Variants in HEPH observed in about 807,000 individuals in gnomAD.
The protein encoded by HEPH is hephaestin.
HEPH carries 69 observed loss-of-function variants against 80.8 expected under a neutral mutation model. The observed-to-expected ratio is 0.85, with a 90% CI of 0.70 to 1.04. The LOEUF (loss-of-function observed/expected upper bound fraction) is 1.04. Among genes scored for constraint, HEPH ranks in the 50% least tolerant of loss-of-function variants. The pLI is 0.00. For missense variants in HEPH, 1,115 were observed against 891.3 expected (o/e 1.25, Z -3.20); for synonymous variants, 431 against 322.8 (o/e 1.34, Z -3.60).
intron 4 of HEPH, among the ~76,000 whole-genome samples, chrX:66,176,493 T>A (rs2086807690): frequency 1.8e-5 from 2 of 111,926 alleles, no homozygotes; most frequent in Non-Finnish European, 3.8e-5. Context: ...GTAGTTTTCC[T>A]TTTTTTCTTT....
chrX:66,207,603 G>A (rs755649911), intron 14 of HEPH, among the ~76,000 whole-genome samples: 5 of 111,452 alleles, frequency 4.5e-5, no homozygotes, highest in African/African-American at 1.3e-4. Flanking sequence ...AATGCTAGGG[G>A]CAGAATAACT....
intron 13 of HEPH, among the ~76,000 whole-genome samples, chrX:66,204,605 C>T (rs773870134): frequency 9.0e-6 from 1 of 111,448 alleles, no homozygotes; most frequent in Non-Finnish European, 1.9e-5. Context: ...TTGAAGATTC[C>T]ATCTATCACC....
intron 15 of HEPH, among the ~76,000 whole-genome samples, chrX:66,224,944 T>C (rs1023820211): frequency 9.1e-6 from 1 of 109,824 alleles, no homozygotes; most frequent in Non-Finnish European, 1.9e-5. Context: ...TCTCTCTCTC[T>C]GCTGATCTTT....
intron 15 of HEPH, among the ~76,000 whole-genome samples, chrX:66,219,461 G>A (rs1248128083): frequency 8.9e-6 from 1 of 112,019 alleles, no homozygotes; most frequent in African/African-American, 3.2e-5. Flanking sequence ...AATCTATTTT[G>A]ATAGATAGCA....
At chrX:66,194,221 A>C (rs761618092) in intron 8 of HEPH, among the ~76,000 whole-genome samples, 2 of 111,717 alleles carry the variant, frequency 1.8e-5, no homozygotes, top group South Asian at 7.6e-4. Flanking sequence ...AATGGACCAT[A>C]CTCGGGATAG....
chrX:66,218,443 T>C (rs752244380), intron 15 of HEPH, among the ~76,000 whole-genome samples: 2 of 112,141 alleles, frequency 1.8e-5, no homozygotes, highest in Admixed American at 1.9e-4. Flanking sequence ...TCTTGAATGA[T>C]CATTGGATCA....
At chrX:66,250,800 T>C (rs1490832686) in intron 15 of HEPH, among the ~76,000 whole-genome samples, 1 of 111,964 alleles carries the variant, frequency 8.9e-6, no homozygotes, top group East Asian at 2.8e-4. Context: ...GTACCACATT[T>C]TGTACAACTT....
chrX:66,197,976 T>C (rs1239196816), intron 10 of HEPH, 82 bp downstream of exon 10: 19 of 850,950 alleles, frequency 2.2e-5, no homozygotes, highest in Non-Finnish European at 2.8e-5. Flanking sequence ...AGCATGGAAC[T>C]GGGTTCTAAA....
intron 4 of HEPH, among the ~76,000 whole-genome samples, chrX:66,186,522 G>T (rs923892197): frequency 3.5e-5 from 4 of 112,925 alleles, no homozygotes; most frequent in African/African-American, 1.3e-4. Context: ...CTGACCCCTT[G>T]TGCTTCCCGG....
At chrX:66,162,790 C>T, upstream of HEPH, 7 of 1,155,272 alleles carry the variant, frequency 6.1e-6, no homozygotes, top group Non-Finnish European at 8.0e-6. Flanking sequence ...GACCCTGCTC[C>T]AGACACTTTA....
At chrX:66,192,600 C>A (rs768181080) in intron 7 of HEPH, among the ~76,000 whole-genome samples, 2 of 111,831 alleles carry the variant, frequency 1.8e-5, no homozygotes, top group African/African-American at 3.3e-5. Context: ...CCAGGTGGGA[C>A]CAGTTCTTGT....
At chrX:66,233,090 T>C (rs931725903) in intron 15 of HEPH, among the ~76,000 whole-genome samples, 1 of 111,912 alleles carries the variant, frequency 8.9e-6, no homozygotes, top group Non-Finnish European at 1.9e-5. Context: ...TGCAGCATAT[T>C]ATAAACAACT....
rs369360500 is a variant in HEPH, at chrX:66,172,780, C to T, written c.412+181C>T. Reference sequence around the variant, plus strand: ...TGGTATCAGTTCTGCCATTCATATACTGTGTGACTTGGACGAGTCATTGTC... The same window carrying T: ...TGGTATCAGTTCTGCCATTCATATATTGTGTGACTTGGACGAGTCATTGTC... On this transcript the variant is annotated intron_variant, in intron 3 of 20. Coordinates refer to ENST00000343002, the MANE Select transcript of HEPH (RefSeq NM_001367233.3). Among the ~76,000 whole-genome samples, 23 of 112,198 alleles carry T rather than the reference C, an allele frequency of 2.0e-4. No individual in the cohort carries two copies. The South Asian group carries it at 8.1e-3, about 40-fold the overall frequency.
chrX:66,199,171 G>T, intron 11 of HEPH, 143 bp downstream of exon 11: 1 of 538,980 alleles, frequency 1.9e-6, no homozygotes, highest in Non-Finnish European at 3.0e-6. Context: ...AGGCTCAACC[G>T]AACACAACAG....
chrX:66,173,547 C>T (rs773906671), intron 3 of HEPH, 42 bp from the exon 4 acceptor site: 22 of 1,016,540 alleles, frequency 2.2e-5, no homozygotes, highest in Non-Finnish European at 2.9e-5. Flanking sequence ...GCCACGGTCC[C>T]TCACTTATTC....
chrX:66,187,422 C>G (rs991461522), intron 4 of HEPH, among the ~76,000 whole-genome samples: 4 of 111,335 alleles, frequency 3.6e-5, no homozygotes, highest in African/African-American at 1.3e-4. Context: ...GGCTGTTCTT[C>G]AGATTCTTTT....
At chrX:66,172,848 A>G (rs993764258) in intron 3 of HEPH, among the ~76,000 whole-genome samples, 2 of 112,152 alleles carry the variant, frequency 1.8e-5, no homozygotes, top group Non-Finnish European at 3.8e-5. Context: ...GTGAAGACAC[A>G]GTCTACCTCT....
intron 20 of HEPH, among the ~76,000 whole-genome samples, chrX:66,264,255 A>G (rs1420585735): frequency 1.9e-5 from 2 of 106,150 alleles, no homozygotes; most frequent in Non-Finnish European, 3.8e-5. Context: ...GTTGAAATAT[A>G]TATATATATA....
intron 15 of HEPH, among the ~76,000 whole-genome samples, chrX:66,232,751 A>T (rs1006798651): frequency 9.0e-6 from 1 of 111,545 alleles, no homozygotes; most frequent in Non-Finnish European, 1.9e-5. Flanking sequence ...ATACATAAAT[A>T]GCACCAAAAT....
Sources: gnomAD v4.1 joint callset for allele counts (sites outside exome capture counted in the v4.1 genomes callset) on GRCh38, gnomAD v4.1.1 for gene constraint, MANE v1.5 for transcripts, NCBI Gene and HGNC (gene_info 2026-07-23, HGNC 2026-07-21) for gene names.